GPHN: variants seen among roughly 807,000 people sequenced by gnomAD.
GPHN encodes the protein gephyrin.
A neutral mutation model predicts 95.5 loss-of-function variants in GPHN; 17 were observed. The ratio of observed to expected loss-of-function variants is 0.18; its 90% CI spans 0.12 to 0.27. The LOEUF (loss-of-function observed/expected upper bound fraction) is 0.27. Ranked by LOEUF, GPHN falls within the 10% of genes least tolerant of loss-of-function variation. The pLI is 1.00. For synonymous variants in GPHN, 320 were observed against 322.5 expected, an observed-to-expected ratio of 0.99 and a Z score of 0.08; for missense variants, 660 against 978.1, an observed-to-expected ratio of 0.67 and a Z score of 4.34.
chr14:67,695,674 G>A, the GPHN span: 1 of 1,614,196 alleles, frequency 6.2e-7, no homozygotes, highest in Non-Finnish European at 8.5e-7. Flanking sequence ...GCAGAAGGAG[G>A]AGCAACAGCG....
chr14:67,269,560 A>G, the GPHN span: 2 of 152,600 alleles, frequency 1.3e-5, no homozygotes, highest in South Asian at 2.1e-4. Context: ...GTGCATTTTT[A>G]TGATTTCTGA....
At chr14:67,513,944 C>T in the GPHN span, among the ~76,000 whole-genome samples, 1 of 152,282 alleles carries the variant, frequency 6.6e-6, no homozygotes, top group East Asian at 1.9e-4. Context: ...GAGAGAAAGA[C>T]ACTGTACCAC....
At chr14:67,427,336 G>A in the GPHN span, among the ~76,000 whole-genome samples, 1 of 152,172 alleles carries the variant, frequency 6.6e-6, no homozygotes, top group Admixed American at 6.5e-5. Context: ...AGTTGAGAAG[G>A]TCTCGGGCAG....
chr14:67,237,979 C>A, the GPHN span, among the ~76,000 whole-genome samples: 27 of 140,418 alleles, frequency 1.9e-4, no homozygotes, highest in African/African-American at 7.7e-4. Context: ...GCAGAGGCTA[C>A]CAAATCCTAA....
the GPHN span, among the ~76,000 whole-genome samples, chr14:67,230,975 C>G: frequency 2.0e-5 from 3 of 152,148 alleles, no homozygotes; most frequent in Non-Finnish European, 4.4e-5. Context: ...TGCAGCTATC[C>G]AGGCTGTATA....
chr14:67,089,413 A>G (rs776602641), intron 12 of GPHN, among the ~76,000 whole-genome samples: 5 of 152,040 alleles, frequency 3.3e-5, no homozygotes, highest in Non-Finnish European at 5.9e-5. Flanking sequence ...ACAGGCATAC[A>G]ATGCATAATA....
the GPHN span, chr14:67,301,335 G>T: frequency 8.7e-7 from 1 of 1,152,400 alleles, no homozygotes; most frequent in Non-Finnish European, 1.3e-6. Flanking sequence ...GCATACAGGT[G>T]CTACTGATAC....
In GPHN at chr14:66,744,119, G is replaced by A. The variant is rs866058572; in HGVS notation, c.144-32345G>A. 2.0e-5 allele frequency among the ~76,000 whole-genome samples: 3 copies of A among 152,260 alleles called. No homozygotes were observed. In the Middle Eastern group the frequency reaches 0.01, roughly 518 times the overall value. ...GCTATATATAATAGGTTGACCAACTGTGTATCTTCTGTAGCCTTCTGCCTA... is the reference window on the plus strand; with the variant it reads ...GCTATATATAATAGGTTGACCAACTATGTATCTTCTGTAGCCTTCTGCCTA... On this transcript the variant is annotated intron_variant, in intron 2 of 22. Coordinates refer to ENST00000478722, the MANE Select transcript of GPHN (RefSeq NM_020806.5).
chr14:67,278,772 A>T, the GPHN span, among the ~76,000 whole-genome samples: 1 of 152,170 alleles, frequency 6.6e-6, no homozygotes, highest in African/African-American at 2.4e-5. Context: ...AGTATTGTAT[A>T]TCATTTTTCT....
the GPHN span, among the ~76,000 whole-genome samples, chr14:67,676,409 A>G: frequency 3.9e-5 from 6 of 152,304 alleles, no homozygotes; most frequent in Admixed American, 3.9e-4. Flanking sequence ...GTCACAGTAC[A>G]GAAATAAGGG....
At chr14:66,605,156 G>T (rs1182488086) in intron 1 of GPHN, among the ~76,000 whole-genome samples, 1 of 152,094 alleles carries the variant, frequency 6.6e-6, no homozygotes, top group Non-Finnish European at 1.5e-5. Context: ...GTGATGCAGT[G>T]AACATATCGG....
chr14:67,184,063 G>A (rs908028530), downstream of GPHN, among the ~76,000 whole-genome samples: 1 of 151,836 alleles, frequency 6.6e-6, no homozygotes, highest in Admixed American at 6.6e-5. Flanking sequence ...GGGCTCAAGT[G>A]ATCCGCCCAT....
the GPHN span, among the ~76,000 whole-genome samples, chr14:67,498,826 T>C: frequency 6.6e-6 from 1 of 151,740 alleles, no homozygotes; most frequent in African/African-American, 2.4e-5. Flanking sequence ...CCACCATGCC[T>C]GATTAATTTT....
At chr14:66,822,187 T>G (rs1230227828) in intron 3 of GPHN, among the ~76,000 whole-genome samples, 1 of 152,204 alleles carries the variant, frequency 6.6e-6, no homozygotes, top group Non-Finnish European at 1.5e-5. Flanking sequence ...CCTGACCTCA[T>G]GATCCACCCA....
chr14:67,708,655 T>C, the GPHN span, among the ~76,000 whole-genome samples: 1 of 152,096 alleles, frequency 6.6e-6, no homozygotes, highest in South Asian at 2.1e-4. Flanking sequence ...TTGGAACACA[T>C]ACCAGTAACA....
At chr14:67,097,802 T>C (rs2077475479) in intron 12 of GPHN, among the ~76,000 whole-genome samples, 1 of 152,112 alleles carries the variant, frequency 6.6e-6, no homozygotes, top group South Asian at 2.1e-4. Flanking sequence ...AAGAGTTTTA[T>C]TTTAACCACA....
At position 67,181,427 on chromosome 14, in the gene GPHN, A is replaced by G. The variant is rs1322297944; in HGVS notation, c.*490A>G. ...TCGTGTTTATGTGCACAGTGCCAAA[A>G]GAAGACTGACTGGGTGGAGGCTCTG... is the stretch of plus-strand genomic sequence containing the variant. On this transcript the variant is annotated 3_prime_UTR_variant, in exon 23 of 23. Coordinates refer to ENST00000478722, the MANE Select transcript of GPHN (RefSeq NM_020806.5). 2.0e-6 allele frequency: 1 copy of G among 509,504 alleles called. No individual in the cohort carries two copies. Among genetic ancestry groups the G allele is most frequent in the East Asian group, 4.2e-5 (1 of 23,992 alleles). 31.6% of individuals were successfully genotyped at this position (509,504 alleles called of 1,614,324 possible). A position where few individuals can be genotyped will look rare whatever the true frequency, so the allele number is the denominator to read the frequency against.
chr14:66,688,567 C>G (rs1323134228), intron 2 of GPHN, among the ~76,000 whole-genome samples: 1 of 152,172 alleles, frequency 6.6e-6, no homozygotes, highest in Non-Finnish European at 1.5e-5. Context: ...AAGTACTCAA[C>G]TTGTTCATCA....
rs78677946 is a variant in GPHN at position 66,596,830 on chromosome 14, G to A, written c.65-84277G>A. On this transcript the variant is annotated intron_variant, in intron 1 of 22. Transcript: ENST00000478722. ...CTCCCACCTGTTTAACTTGGAATGG[G>A]CTGGGAGCTTCCACCTGTTCTTGGT... Among the ~76,000 whole-genome samples, 1,109 of 152,310 alleles carry A rather than the reference G, an allele frequency of 7.3e-3. 6 individuals carry two copies. Among genetic ancestry groups the A allele is most frequent in the African/African-American group, 0.025 (1,059 of 41,570 alleles).
Sources: gnomAD v4.1 joint callset for allele counts (sites outside exome capture counted in the v4.1 genomes callset) on GRCh38, gnomAD v4.1.1 for gene constraint, MANE v1.5 for transcripts, NCBI Gene and HGNC (gene_info 2026-07-23, HGNC 2026-07-21) for gene names.